The following EYS variants were observed in gnomAD, a reference collection of about 807,000 sequenced individuals.
EYS encodes EGF-like photoreceptor maintenance factor.
EYS carries 250 observed loss-of-function variants against 282.1 expected under a neutral mutation model. The ratio of observed to expected loss-of-function variants is 0.89; its 90% CI spans 0.80 to 0.98. The LOEUF is 0.98. EYS is among the 50% of genes least tolerant of loss of function. The pLI, the probability that EYS is intolerant of heterozygous loss-of-function variation, is 0.00. For missense variants in EYS, 4,016 were observed against 3,709.0 expected (o/e 1.08, Z -2.15); for synonymous variants, 1,355 against 1,282.9 (o/e 1.06, Z -1.20).
chr6:64,890,588 A>G (rs539777845), intron 18 of EYS, among the ~76,000 whole-genome samples: 1 of 152,136 alleles, frequency 6.6e-6, no homozygotes, highest in Non-Finnish European at 1.5e-5. Context: ...TTTTGCTTCC[A>G]TGCCCATCCT....
intron 22 of EYS, among the ~76,000 whole-genome samples, chr6:64,669,062 T>C (rs951881339): frequency 6.6e-6 from 1 of 152,200 alleles, no homozygotes; most frequent in Non-Finnish European, 1.5e-5. Context: ...CACAATATCT[T>C]CTATAATGCT....
chr6:63,820,563 T>G (rs1480271605), intron 36 of EYS, among the ~76,000 whole-genome samples: 1 of 152,212 alleles, frequency 6.6e-6, no homozygotes, highest in Non-Finnish European at 1.5e-5. Context: ...TCCTGAGATA[T>G]TCACTGATTC....
chr6:64,438,200 T>G (rs564367104), intron 27 of EYS, among the ~76,000 whole-genome samples: 79 of 151,892 alleles, frequency 5.2e-4, no homozygotes, highest in African/African-American at 1.9e-3. Flanking sequence ...AAGTGCAAAG[T>G]CAGCAATCTC....
At chr6:65,230,407 T>C (rs1052805231) in intron 12 of EYS, among the ~76,000 whole-genome samples, 19 of 151,924 alleles carry the variant, frequency 1.3e-4, no homozygotes, top group African/African-American at 1.2e-4. Flanking sequence ...CAATTACCCA[T>C]GTATAATACA....
At chr6:64,925,876 C>T (rs1768501604) in intron 15 of EYS, among the ~76,000 whole-genome samples, 1 of 152,080 alleles carries the variant, frequency 6.6e-6, no homozygotes, top group Non-Finnish European at 1.5e-5. Flanking sequence ...GGTGCAAGCA[C>T]CAGCCCCAGT....
chr6:65,316,785 C>T (rs1427176409), intron 11 of EYS, among the ~76,000 whole-genome samples: 1 of 152,092 alleles, frequency 6.6e-6, no homozygotes, highest in Non-Finnish European at 1.5e-5. Context: ...CAGCTTCATC[C>T]ACGTCCCTGC....
chr6:65,656,139 G>C (rs533539113), intron 1 of EYS, among the ~76,000 whole-genome samples: 2 of 151,888 alleles, frequency 1.3e-5, no homozygotes, highest in Non-Finnish European at 2.9e-5. Context: ...TATTCTGACT[G>C]CTCCACCCAC....
intron 2 of EYS, among the ~76,000 whole-genome samples, chr6:65,582,254 T>A (rs1394632519): frequency 6.6e-6 from 1 of 151,838 alleles, no homozygotes; most frequent in East Asian, 1.9e-4. Flanking sequence ...GAACATTTGA[T>A]CTTTTACCAG....
intron 26 of EYS, among the ~76,000 whole-genome samples, chr6:64,441,903 C>A (rs1369628643): frequency 2.6e-5 from 4 of 152,120 alleles, no homozygotes; most frequent in Non-Finnish European, 4.4e-5. Context: ...ATGTTTTTAT[C>A]AGCAGCATGA....
chr6:64,973,461 C>G (rs143819902), intron 14 of EYS, among the ~76,000 whole-genome samples: 3 of 151,884 alleles, frequency 2.0e-5, no homozygotes, highest in African/African-American at 7.2e-5. Flanking sequence ...TTTAGCTTGG[C>G]GGGTTATGTG....
intron 14 of EYS, among the ~76,000 whole-genome samples, chr6:64,952,491 G>A (rs1468799736): frequency 6.6e-6 from 1 of 151,956 alleles, no homozygotes; most frequent in Non-Finnish European, 1.5e-5. Flanking sequence ...TAACTAAAAT[G>A]TTCTCATATA....
chr6:64,712,780 G>A (rs962363309), intron 22 of EYS, among the ~76,000 whole-genome samples: 5 of 152,144 alleles, frequency 3.3e-5, no homozygotes, highest in African/African-American at 1.2e-4. Flanking sequence ...TCAAAGCATG[G>A]AAAGGCTGAG....
intron 5 of EYS, among the ~76,000 whole-genome samples, chr6:65,457,278 TC>T (rs1764659637): frequency 6.6e-6 from 1 of 152,112 alleles, no homozygotes; most frequent in Non-Finnish European, 1.5e-5. Context: ...GATTCTCCTG[TC>T]TCAGACTCCT....
chr6:65,378,826 T>A (rs965328547), intron 8 of EYS, among the ~76,000 whole-genome samples: 37 of 151,330 alleles, frequency 2.4e-4, no homozygotes, highest in African/African-American at 6.5e-4. Flanking sequence ...TAAGTGGGAG[T>A]TGAACAATGA....
intron 14 of EYS, among the ~76,000 whole-genome samples, chr6:64,947,241 T>C (rs1324867082): frequency 6.6e-6 from 1 of 151,926 alleles, no homozygotes; most frequent in African/African-American, 2.4e-5. Flanking sequence ...TGATCCTTCA[T>C]CACTTTGGTA....
At chr6:64,515,115 A>C (rs941112973) in intron 26 of EYS, among the ~76,000 whole-genome samples, 5 of 151,718 alleles carry the variant, frequency 3.3e-5, no homozygotes, top group Non-Finnish European at 7.4e-5. Context: ...CTTGAAAATA[A>C]AATTTGATAG....
intron 26 of EYS, among the ~76,000 whole-genome samples, chr6:64,508,122 A>G (rs1035668939): frequency 1.3e-5 from 2 of 152,188 alleles, no homozygotes; most frequent in African/African-American, 4.8e-5. Flanking sequence ...CTGGAATATA[A>G]TAACAATCAA....
intron 11 of EYS, among the ~76,000 whole-genome samples, chr6:65,325,358 C>CA (rs1769590308): frequency 6.6e-6 from 1 of 152,140 alleles, no homozygotes; most frequent in Non-Finnish European, 1.5e-5. Flanking sequence ...ACAAACGCTG[C>CA]ATTTGATACC....
At chr6:65,470,599 A>G (rs1765174904) in intron 5 of EYS, among the ~76,000 whole-genome samples, 1 of 152,190 alleles carries the variant, frequency 6.6e-6, no homozygotes, top group South Asian at 2.1e-4. Flanking sequence ...TTTAAACGTT[A>G]AATGATTACA....
Sources: gnomAD v4.1 joint callset for allele counts (sites outside exome capture counted in the v4.1 genomes callset) on GRCh38, gnomAD v4.1.1 for gene constraint, MANE v1.5 for transcripts, NCBI Gene and HGNC (gene_info 2026-07-23, HGNC 2026-07-21) for gene names.